Variants in PCDHA13 observed in about 807,000 individuals in gnomAD.
PCDHA13 encodes protocadherin alpha 13.
In PCDHA13, 54 loss-of-function variants were observed where a neutral mutation model predicts 64.8. The observed-to-expected ratio is 0.83, with a 90% CI of 0.67 to 1.04. The LOEUF is 1.04. Ranked by LOEUF, PCDHA13 falls within the 50% of genes least tolerant of loss-of-function variation. The probability of loss-of-function intolerance (pLI) is 0.00; values close to 1 mark genes in which losing one functional copy is unlikely to be tolerated. For synonymous variants in PCDHA13, 587 were observed against 564.4 expected, an observed-to-expected ratio of 1.04 and a Z score of -0.57; for missense variants, 1,248 against 1,254.3, an observed-to-expected ratio of 0.99 and a Z score of 0.08.
At chr5:140,968,621 T>C (rs782017664) in intron 1 of PCDHA13, 11 of 1,614,190 alleles carry the variant, frequency 6.8e-6, no homozygotes, top group Non-Finnish European at 8.5e-6. Context: ...GCAAAATGCT[T>C]GGCTTTTTTA....
chr5:140,998,070 G>T (rs2097795700), intron 3 of PCDHA13, among the ~76,000 whole-genome samples: 1 of 152,050 alleles, frequency 6.6e-6, no homozygotes, highest in Admixed American at 6.6e-5. Context: ...AACAGACTTA[G>T]CCTCTGCAGT....
chr5:140,929,291 A>G (rs782335969), intron 1 of PCDHA13: 19 of 1,596,972 alleles, frequency 1.2e-5, no homozygotes, highest in Non-Finnish European at 1.6e-5. Flanking sequence ...CAGATTCGGA[A>G]TAGGAAAGGG....
At chr5:140,984,631 T>C (rs1400847452) in intron 3 of PCDHA13, among the ~76,000 whole-genome samples, 1 of 152,192 alleles carries the variant, frequency 6.6e-6, no homozygotes, top group Non-Finnish European at 1.5e-5. Flanking sequence ...TTAAAGGGAT[T>C]CTCTGCCTTC....
At chr5:140,983,585 A>G (rs561693645) in intron 3 of PCDHA13, among the ~76,000 whole-genome samples, 18 of 152,338 alleles carry the variant, frequency 1.2e-4, no homozygotes, top group Non-Finnish European at 2.1e-4. Flanking sequence ...TATTACATCT[A>G]TTCTACATAT....
intron 1 of PCDHA13, chr5:140,928,053 G>C: frequency 6.2e-7 from 1 of 1,614,212 alleles, no homozygotes; most frequent in Non-Finnish European, 8.5e-7. Context: ...CTTTTCAGCT[G>C]ACGGCTTCCT....
At chr5:140,968,062 G>A in intron 1 of PCDHA13, 2 of 1,614,120 alleles carry the variant, frequency 1.2e-6, no homozygotes, top group Non-Finnish European at 1.7e-6. Flanking sequence ...GAGAGCGGGT[G>A]GCTGTCTACA....
At chr5:140,926,611 A>G in intron 1 of PCDHA13, 1 of 348,974 alleles carries the variant, frequency 2.9e-6, no homozygotes, top group Non-Finnish European at 5.1e-6. Context: ...TCGTCTCTGC[A>G]CCCCTAGGCG....
At chr5:140,955,207 G>A (rs2153705473) in intron 1 of PCDHA13, among the ~76,000 whole-genome samples, 1 of 152,290 alleles carries the variant, frequency 6.6e-6, no homozygotes, top group South Asian at 2.1e-4. Context: ...CAATCAAGTA[G>A]CATGATGCCT....
chr5:140,889,077 T>G (rs1476404733), intron 1 of PCDHA13, among the ~76,000 whole-genome samples: 1 of 152,076 alleles, frequency 6.6e-6, no homozygotes, highest in Non-Finnish European at 1.5e-5. Flanking sequence ...CTTATTTTGT[T>G]AAATTTTCAA....
intron 1 of PCDHA13, among the ~76,000 whole-genome samples, chr5:140,955,604 C>T (rs1431862665): frequency 7.2e-5 from 11 of 152,060 alleles, no homozygotes; most frequent in Non-Finnish European, 1.5e-4. Context: ...TATAAATTAC[C>T]CAGTCTCAGG....
chr5:140,926,959 G>C (rs781794027), intron 1 of PCDHA13: 23 of 1,603,904 alleles, frequency 1.4e-5, no homozygotes, highest in Non-Finnish European at 1.9e-5. Context: ...GGGACAGCTC[G>C]AGTACTCAGT....
intron 1 of PCDHA13, among the ~76,000 whole-genome samples, chr5:140,917,183 A>T (rs2077937210): frequency 6.6e-6 from 1 of 152,132 alleles, no homozygotes; most frequent in African/African-American, 2.4e-5. Flanking sequence ...GTGATCCCAG[A>T]GTGTCTCTCC....
chr5:140,894,584 T>G (rs1554186162), intron 1 of PCDHA13, among the ~76,000 whole-genome samples: 1 of 152,006 alleles, frequency 6.6e-6, no homozygotes, highest in Non-Finnish European at 1.5e-5. Flanking sequence ...TTTTAATATT[T>G]TACTGAGTTT....
intron 1 of PCDHA13, among the ~76,000 whole-genome samples, chr5:140,898,137 G>C (rs1554187832): frequency 6.6e-6 from 1 of 152,098 alleles, no homozygotes; most frequent in African/African-American, 2.4e-5. Flanking sequence ...CATTTTGTAG[G>C]TTGCCTGTTC....
At chr5:140,968,150 A>G (rs1554230413) in intron 1 of PCDHA13, 2 of 1,614,180 alleles carry the variant, frequency 1.2e-6, no homozygotes, top group Admixed American at 1.7e-5. Flanking sequence ...GATCTCTGAC[A>G]TCAATGACAA....
chr5:140,980,110 A>G (rs2096876892), intron 2 of PCDHA13, among the ~76,000 whole-genome samples: 1 of 152,208 alleles, frequency 6.6e-6, no homozygotes, highest in Admixed American at 6.5e-5. Context: ...GTCACATTGG[A>G]ACCTGGGTCA....
At chr5:140,967,978 G>A in intron 1 of PCDHA13, 5 of 1,614,206 alleles carry the variant, frequency 3.1e-6, no homozygotes, top group Non-Finnish European at 3.4e-6. Flanking sequence ...GCCTGGGTCT[G>A]GAGGCCACAC....
intron 1 of PCDHA13, among the ~76,000 whole-genome samples, chr5:140,948,646 G>T (rs1030231985): frequency 6.6e-6 from 1 of 151,616 alleles, no homozygotes; most frequent in South Asian, 2.1e-4. Context: ...ATCTTTTAAC[G>T]TCTGTATAAT....
At chr5:140,888,958 A>G (rs1174377099) in intron 1 of PCDHA13, among the ~76,000 whole-genome samples, 1 of 152,010 alleles carries the variant, frequency 6.6e-6, no homozygotes, top group African/African-American at 2.4e-5. Flanking sequence ...TTTCTTTGGC[A>G]ATGTTAATGT....
Sources: allele counts gnomAD v4.1 joint callset (sites outside exome capture counted in the v4.1 genomes callset), GRCh38; gene constraint gnomAD v4.1.1; transcripts MANE v1.5; gene names NCBI Gene and HGNC (gene_info 2026-07-23, HGNC 2026-07-21).